Variants in AFF3 observed in about 807,000 individuals in gnomAD.
The protein encoded by AFF3 is AF4/FMR2 family member 3.
In AFF3, 32 loss-of-function variants were observed where a neutral mutation model predicts 129.7. The ratio of observed to expected loss-of-function variants is 0.25; its 90% CI spans 0.19 to 0.33. The LOEUF (loss-of-function observed/expected upper bound fraction) is 0.33, where lower values mean the gene tolerates loss of function less well. AFF3 is among the 10% of genes least tolerant of loss of function. The pLI is 1.00. For missense variants in AFF3, 1,373 were observed against 1,592.0 expected (o/e 0.86, Z 2.34); for synonymous variants, 644 against 635.4 (o/e 1.01, Z -0.20).
At chr2:99,834,474 G>A (rs1202434623) in intron 8 of AFF3, among the ~76,000 whole-genome samples, 2 of 152,156 alleles carry the variant, frequency 1.3e-5, no homozygotes, top group Admixed American at 1.3e-4. Flanking sequence ...GGGACGTATT[G>A]CAATTGGAAA....
chr2:99,968,042 T>C (rs1677963149), intron 7 of AFF3, among the ~76,000 whole-genome samples: 2 of 152,258 alleles, frequency 1.3e-5, no homozygotes, highest in African/African-American at 4.8e-5. Flanking sequence ...TAGATCATTC[T>C]GTGTTCCCTG....
At chr2:100,064,550 T>C (rs750496607) in intron 4 of AFF3, among the ~76,000 whole-genome samples, 2 of 152,218 alleles carry the variant, frequency 1.3e-5, no homozygotes, top group Non-Finnish European at 1.5e-5. Context: ...CTGTCCAATG[T>C]AGGAAGAAAG....
At chr2:100,037,050 C>A (rs910292390) in intron 4 of AFF3, among the ~76,000 whole-genome samples, 4 of 152,024 alleles carry the variant, frequency 2.6e-5, no homozygotes, top group Non-Finnish European at 5.9e-5. Context: ...TGAAAGCTCA[C>A]GTCCTCTAAT....
intron 16 of AFF3, among the ~76,000 whole-genome samples, chr2:99,583,621 G>T (rs1198768413): frequency 6.6e-6 from 1 of 151,968 alleles, no homozygotes; most frequent in Non-Finnish European, 1.5e-5. Context: ...TGGATTCAAG[G>T]TGCCTCGGCC....
intron 2 of AFF3, among the ~76,000 whole-genome samples, chr2:100,125,629 T>C (rs1692151074): frequency 7.0e-6 from 1 of 143,806 alleles, no homozygotes; most frequent in South Asian, 2.1e-4. Context: ...ATTATTTTGG[T>C]TAAAAAAAAA....
chr2:99,566,413 C>A (rs927292595), intron 19 of AFF3, among the ~76,000 whole-genome samples: 1 of 152,116 alleles, frequency 6.6e-6, no homozygotes, highest in African/African-American at 2.4e-5. Flanking sequence ...TTGGGCCTGG[C>A]GGCTCATGCC....
chr2:99,573,840 G>T (rs1676735975), intron 18 of AFF3, among the ~76,000 whole-genome samples: 1 of 152,174 alleles, frequency 6.6e-6, no homozygotes, highest in South Asian at 2.1e-4. Context: ...ACTTTTCCAT[G>T]TGACATACAG....
chr2:99,577,296 G>A (rs999857078), intron 18 of AFF3, among the ~76,000 whole-genome samples: 6 of 152,144 alleles, frequency 3.9e-5, no homozygotes, highest in Admixed American at 6.5e-5. Flanking sequence ...ATGGAGGAGC[G>A]GGGCGGACGA....
At chr2:99,884,069 C>G (rs1424418215) in intron 7 of AFF3, among the ~76,000 whole-genome samples, 3 of 152,174 alleles carry the variant, frequency 2.0e-5, no homozygotes, top group South Asian at 4.1e-4. Flanking sequence ...ACTAAAGGTA[C>G]AGACATCATG....
intron 7 of AFF3, among the ~76,000 whole-genome samples, chr2:99,875,577 A>G (rs1204579817): frequency 6.6e-6 from 1 of 152,150 alleles, no homozygotes; most frequent in African/African-American, 2.4e-5. Flanking sequence ...TAGCTGAATG[A>G]ATGAACAGAT....
chr2:99,641,868 T>G (rs1684229633), intron 13 of AFF3, among the ~76,000 whole-genome samples: 1 of 152,190 alleles, frequency 6.6e-6, no homozygotes, highest in Admixed American at 6.5e-5. Context: ...CTATGACTAC[T>G]TATGTGTATG....
Position 99,551,178 on chromosome 2 carries a change from G to T in AFF3, c.*296C>A, listed in dbSNP as rs1305726949. 2.4e-5 allele frequency: 13 copies of T among 534,944 alleles called. No individual in the cohort carries two copies. The East Asian group carries it at 3.6e-4, about 15-fold the overall frequency. 33.1% of individuals were successfully genotyped at this position (534,944 alleles called of 1,614,324 possible). ...GGTGTGTGTGTGTGTGTGTGTGTGT[G>T]TGTGTACTTCCTCTAGTCAGAAACC... On this transcript the variant is annotated 3_prime_UTR_variant, in exon 25 of 25. Coordinates refer to ENST00000672756, the MANE Select transcript of AFF3 (RefSeq NM_001386135.1).
At chr2:99,894,593 C>T (rs979992092) in intron 7 of AFF3, among the ~76,000 whole-genome samples, 4 of 151,678 alleles carry the variant, frequency 2.6e-5, no homozygotes, top group Non-Finnish European at 4.4e-5. Flanking sequence ...CTCAGCCTCC[C>T]GAGTAGCTGG....
intron 7 of AFF3, among the ~76,000 whole-genome samples, chr2:99,983,481 T>C (rs1679592355): frequency 6.6e-6 from 1 of 152,224 alleles, no homozygotes; most frequent in African/African-American, 2.4e-5. Flanking sequence ...GTTATTAATA[T>C]AGCCTGGAAT....
chr2:99,606,866 A>T (rs1680400343), intron 13 of AFF3, among the ~76,000 whole-genome samples: 1 of 130,176 alleles, frequency 7.7e-6, no homozygotes, highest in African/African-American at 2.9e-5. Context: ...GTGAGCTGAG[A>T]TTGCGCCACT....
At chr2:100,114,726 A>T (rs952602735) in intron 2 of AFF3, among the ~76,000 whole-genome samples, 8 of 152,206 alleles carry the variant, frequency 5.3e-5, no homozygotes, top group Admixed American at 1.3e-4. Context: ...ACTAACAGAA[A>T]GGGTGGGTGC....
At chr2:99,794,550 T>A (rs115661382) in intron 8 of AFF3, among the ~76,000 whole-genome samples, 56 of 152,266 alleles carry the variant, frequency 3.7e-4, no homozygotes, top group Non-Finnish European at 2.6e-4. Context: ...TTGCATAGCC[T>A]TGTGGAATTT....
chr2:99,758,352 C>A (rs183281683), intron 8 of AFF3, among the ~76,000 whole-genome samples: 13 of 152,144 alleles, frequency 8.5e-5, no homozygotes, highest in Non-Finnish European at 1.6e-4. Flanking sequence ...GAGGCCAAGG[C>A]GGGAGGGAGG....
At chr2:99,705,886 A>AAAAC (rs1553435595) in intron 11 of AFF3, among the ~76,000 whole-genome samples, 3 of 151,190 alleles carry the variant, frequency 2.0e-5, no homozygotes, top group African/African-American at 7.3e-5. Context: ...AAAAAAAAAA[A>AAAAC]AAAAAAAAAA....
Sources: allele counts gnomAD v4.1 joint callset (sites outside exome capture counted in the v4.1 genomes callset), GRCh38; gene constraint gnomAD v4.1.1; transcripts MANE v1.5; gene names NCBI Gene and HGNC (gene_info 2026-07-23, HGNC 2026-07-21).